Variants in TRAT1 observed in about 807,000 individuals in gnomAD.
TRAT1 encodes the protein T cell receptor associated transmembrane adaptor 1, also known as T-cell receptor-associated transmembrane adapter 1.
TRAT1 carries 20 observed loss-of-function variants against 20.0 expected under a neutral mutation model. The ratio of observed to expected loss-of-function variants is 1.00; its 90% CI spans 0.70 to 1.45. The LOEUF (loss-of-function observed/expected upper bound fraction) is 1.45, where lower values mean the gene tolerates loss of function less well. TRAT1 is among the 40% of genes most tolerant of loss of function. TRAT1 has a pLI of 0.00. For synonymous variants in TRAT1, 77 were observed against 74.2 expected (o/e 1.04, Z -0.20); for missense variants, 237 against 224.1 (o/e 1.06, Z -0.37).
chr3:108,843,845 G>C (rs938113355), intron 3 of TRAT1, among the ~76,000 whole-genome samples: 2 of 152,102 alleles, frequency 1.3e-5, no homozygotes, highest in African/African-American at 4.8e-5. Context: ...GATTCTCTGG[G>C]CTCTGAGCCA....
chr3:108,834,317 C>A (rs914153082), intron 2 of TRAT1, among the ~76,000 whole-genome samples: 1 of 152,188 alleles, frequency 6.6e-6, no homozygotes. Context: ...TATTCATCAA[C>A]GCTAAGAATG....
rs1319835398 is a variant in TRAT1, at chr3:108,854,737, A to G, written c.*860A>G. On this transcript the variant is annotated 3_prime_UTR_variant, in exon 6 of 6. Transcript: ENST00000295756. Reference sequence around the variant, plus strand: ...TATATTGTAATTTTAATGTCTGCTTAGCACCCCACTGATAACCAAATCACA... The same window carrying G: ...TATATTGTAATTTTAATGTCTGCTTGGCACCCCACTGATAACCAAATCACA... The G allele has an allele frequency of 6.6e-6, 1 of 152,168 alleles. No homozygotes were observed. The highest frequency in any genetic ancestry group is 6.6e-5 in the Admixed American group (1 of 15,266). The allele number at this position is 152,168 out of a possible 1,614,324, so 9.4% of individuals were successfully genotyped here.
intron 3 of TRAT1, among the ~76,000 whole-genome samples, chr3:108,842,010 A>C (rs959190111): frequency 2.6e-5 from 4 of 152,200 alleles, no homozygotes; most frequent in Non-Finnish European, 5.9e-5. Flanking sequence ...TTATTTACAG[A>C]GGGTAGTTGA....
chr3:108,836,132 A>C (rs561551559), intron 2 of TRAT1, among the ~76,000 whole-genome samples: 48 of 152,130 alleles, frequency 3.2e-4, no homozygotes, highest in African/African-American at 9.6e-4. Flanking sequence ...TTTGGCCAGG[A>C]TAGTCCCGAT....
At position 108,822,926 on chromosome 3, in the gene TRAT1, G is replaced by C. The variant is rs1314525901; in HGVS notation, c.-2G>C. The C allele has an allele frequency of 6.2e-6, 10 of 1,610,020 alleles. No individual in the cohort carries two copies. Among genetic ancestry groups the C allele is most frequent in the Non-Finnish European group, 8.5e-6 (10 of 1,177,522 alleles). On this transcript the variant is annotated 5_prime_UTR_variant, in exon 1 of 6. Transcript: ENST00000295756. ...ATAAAGATTTCTCTGAAAAAAAGAAGCATGTCAGGTAAGTGGCATTTTAAA... is the reference window on the plus strand; with the variant it reads ...ATAAAGATTTCTCTGAAAAAAAGAACCATGTCAGGTAAGTGGCATTTTAAA...
Position 108,823,975 on chromosome 3 carries a change from G to A in TRAT1, c.7+1041G>A, listed in dbSNP as rs1484071855. On this transcript the variant is annotated intron_variant, in intron 1 of 5. Coordinates refer to ENST00000295756, the MANE Select transcript of TRAT1 (RefSeq NM_016388.4). ...CAACCTCTGCCTCCCAGGTTCAAGCGATTCTCCTGCCTCAACCTCCTGAGT... is the reference window on the plus strand; with the variant it reads ...CAACCTCTGCCTCCCAGGTTCAAGCAATTCTCCTGCCTCAACCTCCTGAGT... Among the ~76,000 whole-genome samples, 4 of 152,006 alleles carry A rather than the reference G, an allele frequency of 2.6e-5. No individual in the cohort carries two copies. The East Asian group carries it at 7.7e-4, about 29-fold the overall frequency.
chr3:108,839,061 A>T, intron 3 of TRAT1, 94 bp downstream of exon 3: 1 of 932,282 alleles, frequency 1.1e-6, no homozygotes, highest in Non-Finnish European at 1.7e-6. Context: ...TGGATATTGT[A>T]CTTAGGTTAA....
At chr3:108,829,582 T>C (rs1945771792) in intron 1 of TRAT1, among the ~76,000 whole-genome samples, 1 of 18,882 alleles carries the variant, frequency 5.3e-5, no homozygotes, top group Admixed American at 6.7e-4. Context: ...AGACTCCATC[T>C]CAAAACACAC....
At chr3:108,852,201 C>T (rs1187398064) in intron 5 of TRAT1, among the ~76,000 whole-genome samples, 4 of 152,110 alleles carry the variant, frequency 2.6e-5, no homozygotes, top group East Asian at 3.9e-4. Flanking sequence ...GCCAACATGG[C>T]GAAACTCCGT....
chr3:108,828,634 A>G (rs1173867507), intron 1 of TRAT1, among the ~76,000 whole-genome samples: 1 of 152,208 alleles, frequency 6.6e-6, no homozygotes, highest in Non-Finnish European at 1.5e-5. Flanking sequence ...CTTGAAATTA[A>G]TGTATTCAAT....
intron 1 of TRAT1, among the ~76,000 whole-genome samples, chr3:108,826,317 A>G (rs1428468509): frequency 2.6e-5 from 4 of 152,132 alleles, no homozygotes. Context: ...CTCTTTCCCC[A>G]TCACAGCCCA....
intron 2 of TRAT1, among the ~76,000 whole-genome samples, chr3:108,837,206 A>G (rs1024148855): frequency 6.6e-6 from 1 of 152,208 alleles, no homozygotes; most frequent in African/African-American, 2.4e-5. Context: ...GTAGTTGAAA[A>G]TAACTGCATC....
chr3:108,834,738 T>C (rs1428852219), intron 2 of TRAT1, among the ~76,000 whole-genome samples: 1 of 152,234 alleles, frequency 6.6e-6, no homozygotes, highest in Non-Finnish European at 1.5e-5. Flanking sequence ...GAATAAGTTT[T>C]GCTGGTGTAA....
At chr3:108,823,973 G>A (rs1945714644) in intron 1 of TRAT1, among the ~76,000 whole-genome samples, 1 of 152,050 alleles carries the variant, frequency 6.6e-6, no homozygotes, top group Admixed American at 6.6e-5. Flanking sequence ...CCAGGTTCAA[G>A]CGATTCTCCT....
At chr3:108,824,827 C>G (rs755567748) in intron 1 of TRAT1, among the ~76,000 whole-genome samples, 2 of 152,206 alleles carry the variant, frequency 1.3e-5, no homozygotes, top group Non-Finnish European at 2.9e-5. Context: ...ATTCCATGAG[C>G]TGATGATGAT....
intron 3 of TRAT1, among the ~76,000 whole-genome samples, chr3:108,843,938 A>C (rs1385016097): frequency 6.6e-6 from 1 of 152,196 alleles, no homozygotes. Flanking sequence ...CACAGTTCCC[A>C]GGGCCTCATT....
At chr3:108,849,296 G>A (rs1299972216) in intron 5 of TRAT1, 42 bp downstream of exon 5, 7 of 1,514,002 alleles carry the variant, frequency 4.6e-6, no homozygotes, top group South Asian at 1.1e-5. Context: ...CATTTCAAGA[G>A]CATAAGAGTA....
intron 3 of TRAT1, among the ~76,000 whole-genome samples, chr3:108,841,935 G>A (rs1252589781): frequency 6.6e-6 from 1 of 152,112 alleles, no homozygotes; most frequent in African/African-American, 2.4e-5. Flanking sequence ...TCGTAGTCTT[G>A]GGGAAATGAG....
intron 3 of TRAT1, among the ~76,000 whole-genome samples, chr3:108,840,183 A>G (rs1453347635): frequency 1.3e-5 from 2 of 152,264 alleles, no homozygotes; most frequent in East Asian, 3.9e-4. Flanking sequence ...ACCCCGTCAC[A>G]CACAAAATCT....
Sources: gnomAD v4.1 joint callset for allele counts (sites outside exome capture counted in the v4.1 genomes callset) on GRCh38, gnomAD v4.1.1 for gene constraint, MANE v1.5 for transcripts, NCBI Gene and HGNC (gene_info 2026-07-23, HGNC 2026-07-21) for gene names.